USP48: variants seen among roughly 807,000 people sequenced by gnomAD.
USP48 encodes the protein ubiquitin carboxyl-terminal hydrolase 48.
A neutral mutation model predicts 150.7 loss-of-function variants in USP48; 43 were observed. That is an observed-to-expected ratio of 0.29 (90% CI 0.22 to 0.37). The LOEUF (loss-of-function observed/expected upper bound fraction) is 0.37. Ranked by LOEUF, USP48 falls within the 10% of genes least tolerant of loss-of-function variation. The pLI is 1.00. For synonymous variants in USP48, 396 were observed against 425.9 expected, an observed-to-expected ratio of 0.93 and a Z score of 0.86; for missense variants, 813 against 1,249.6, an observed-to-expected ratio of 0.65 and a Z score of 5.27.
intron 23 of USP48, among the ~76,000 whole-genome samples, chr1:21,691,986 C>T (rs1220620191): frequency 1.3e-5 from 2 of 152,134 alleles, no homozygotes; most frequent in Admixed American, 6.6e-5. Flanking sequence ...AAAGACAAAA[C>T]GAGCCTCACA....
In USP48 at chr1:21,703,629, A is replaced by C. The variant is rs745852500; in HGVS notation, c.2516-11T>G. 3.5e-6 allele frequency: 5 copies of C among 1,444,692 alleles called. No homozygotes were observed. Among genetic ancestry groups the C allele is most frequent in the Non-Finnish European group, 4.6e-6 (5 of 1,076,310 alleles). The allele number at this position is 1,444,692 out of a possible 1,614,324, so 89.5% of individuals were successfully genotyped here. A position where few individuals can be genotyped will look rare whatever the true frequency, so the allele number is the denominator to read the frequency against. ...ATTCTGGACAGAGTTCTTTGGGGGA[A>C]AAAAAAAAAGGGAAAACAGAAGTGG... On this transcript the variant is annotated splice_polypyrimidine_tract_variant and intron_variant, in intron 20 of 26. Coordinates refer to ENST00000308271, the MANE Select transcript of USP48 (RefSeq NM_032236.8).
rs546454596 is a variant in USP48 at position 21,747,072 on chromosome 1, T to A, written c.986A>T (p.His329Leu). The A allele has an allele frequency of 1.1e-5, 17 of 1,607,372 alleles. No homozygotes were observed. The highest frequency in any genetic ancestry group is 1.7e-5 in the Admixed American group (1 of 59,230). Residue 329 changes from histidine to leucine, a missense_variant, in exon 8 of 27, where the codon CAT becomes CTT. Transcript: ENST00000308271. ...EILDMEPYVE[H>L]KGGSYVYELS... ...CTCCTCAGTAAAAATATTACCTTTA[T>A]GTTCCACATAAGGCTCCATATCCAA...
In USP48 at chr1:21,747,144, G is replaced by C. The variant is rs2097796430; in HGVS notation, c.914C>G (p.Thr305Ser). The change falls in exon 8 of 27, where the codon ACT becomes AGT. Residue 305 changes from threonine (T) to serine (S), a missense_variant. Coordinates refer to ENST00000308271, the MANE Select transcript of USP48 (RefSeq NM_032236.8). Reference sequence around the variant, plus strand: ...GGTATTCAGCTTTTTCTTATGTCCAGTTTGCCTAACCAAGAGGAAAGCTGA... The same window carrying C: ...GGTATTCAGCTTTTTCTTATGTCCACTTTGCCTAACCAAGAGGAAAGCTGA... ...QLMRFVFDRQ[T>S]GHKKKLNTYI... 3.1e-6 allele frequency: 5 copies of C among 1,609,008 alleles called. No individual in the cohort carries two copies. The East Asian group carries it at 9.0e-5, about 29-fold the overall frequency.
At position 21,756,603 on chromosome 1, in the gene USP48, A is replaced by G; in HGVS notation, c.355T>C (p.Leu119=). 1.2e-6 allele frequency: 2 copies of G among 1,608,592 alleles called. No individual in the cohort carries two copies. Among genetic ancestry groups the G allele is most frequent in the South Asian group, 2.2e-5 (2 of 89,988 alleles). Residue 119 remains leucine (L), a synonymous_variant, in exon 3 of 27, where the codon TTA becomes CTA. Coordinates refer to ENST00000308271, the MANE Select transcript of USP48 (RefSeq NM_032236.8). ...TAGTCACTACAAGTGCTTGGACATA[A>G]GTAGAGTGCCTGCCGAAGCTCCAAG... is the stretch of plus-strand genomic sequence containing the variant. ...LNLELRQALY[L]CPSTCSDYML...
At chr1:21,737,292 GA>G (rs1298151360) in intron 8 of USP48, among the ~76,000 whole-genome samples, 1 of 151,588 alleles carries the variant, frequency 6.6e-6, no homozygotes, top group Non-Finnish European at 1.5e-5. Flanking sequence ...ATTAAAGCTG[GA>G]AAAAAATAAA....
rs1204488395 is a variant in USP48, at chr1:21,728,641, T to C, written c.1379A>G (p.Gln460Arg). The change falls in exon 11 of 27, where the codon CAA (glutamine) becomes CGA (arginine). Residue 460 changes from glutamine to arginine, a missense_variant. Coordinates refer to ENST00000308271, the MANE Select transcript of USP48 (RefSeq NM_032236.8). Reference sequence around the variant, plus strand: ...TTTTGCTTTTCCTTTATCCACACTTTGCTTACGCATCTCAGCCATTTCAAT... The same window carrying C: ...TTTTGCTTTTCCTTTATCCACACTTCGCTTACGCATCTCAGCCATTTCAAT... ...WCIEMAEMRK[Q>R]SVDKGKAKHE... 1 of 1,614,122 alleles carries C rather than the reference T, an allele frequency of 6.2e-7. No individual in the cohort carries two copies. The highest frequency in any genetic ancestry group is 2.2e-5 in the East Asian group (1 of 44,888).
At chr1:21,716,896 C>T (rs1434233308) in intron 14 of USP48, among the ~76,000 whole-genome samples, 3 of 152,026 alleles carry the variant, frequency 2.0e-5, no homozygotes, top group South Asian at 2.1e-4. Context: ...GGCATGGTGG[C>T]GGGCCCCTGT....
In USP48 at chr1:21,778,165, C is replaced by A. The variant is rs570144359; in HGVS notation, c.134+4659G>T. 1.2e-4 allele frequency among the ~76,000 whole-genome samples: 18 copies of A among 149,530 alleles called. No individual in the cohort carries two copies. In the South Asian group the frequency reaches 2.7e-3, roughly 23 times the overall value. ...CTGAAAAAAAAAAACAAAACAAAAA[C>A]AAGACCAAAAAAAGATCACAACTCA... On this transcript the variant is annotated intron_variant, in intron 1 of 26. Coordinates refer to ENST00000308271, the MANE Select transcript of USP48 (RefSeq NM_032236.8).
At position 21,744,368 on chromosome 1, in the gene USP48, A is replaced by G. The variant is rs372692402; in HGVS notation, c.991+2699T>C. On this transcript the variant is annotated intron_variant, in intron 8 of 26. Coordinates refer to ENST00000308271, the MANE Select transcript of USP48 (RefSeq NM_032236.8). ...GACTGAGGCAGAGAGAATTGCTTGA[A>G]CCCAGGAGGTGGAGGCTGCAGTGAG... 4.0e-5 allele frequency among the ~76,000 whole-genome samples: 6 copies of G among 151,308 alleles called. No individual in the cohort carries two copies. In the East Asian group the frequency reaches 1.2e-3, roughly 29 times the overall value.
chr1:21,703,508 G>C lies in USP48; in HGVS notation c.2622+4C>G, dbSNP rs752452490. 6.2e-7 allele frequency: 1 copy of C among 1,609,316 alleles called. No individual in the cohort carries two copies. The highest frequency in any genetic ancestry group is 8.5e-7 in the Non-Finnish European group (1 of 1,177,168). On this transcript the variant is annotated splice_donor_region_variant and intron_variant, in intron 21 of 26. Coordinates refer to ENST00000308271, the MANE Select transcript of USP48 (RefSeq NM_032236.8). The stretch of plus-strand genomic sequence containing the variant: ...CTAGTCATTGCCACAAGAGGGACCA[G>C]TACCTTTTTATTATCCACAACTTTA...
At position 21,769,467 on chromosome 1, in the gene USP48, C is replaced by A. The variant is rs115211065; in HGVS notation, c.135-11684G>T. ...TCTCGCTGTCACCCAGGCTAGAGTA[C>A]AGTGCCAAGATCTCAGCTCACTGCA... is the stretch of plus-strand genomic sequence containing the variant. On this transcript the variant is annotated intron_variant, in intron 1 of 26. Transcript: ENST00000308271. 5.8e-3 allele frequency among the ~76,000 whole-genome samples: 883 copies of A among 151,908 alleles called. 6 individuals are homozygous for A. The highest frequency in any genetic ancestry group is 0.019 in the African/African-American group (801 of 41,426).
chr1:21,686,722 A>C (rs948187025), intron 25 of USP48: 2 of 159,994 alleles, frequency 1.3e-5, no homozygotes, highest in Non-Finnish European at 2.7e-5. Context: ...AAGTGTGGAA[A>C]CACATAATTC....
rs369491048 is a variant in USP48, at chr1:21,724,007, C to T, written c.1539G>A (p.Leu513=). The T allele has an allele frequency of 2.5e-6, 4 of 1,614,138 alleles. No homozygotes were observed. The highest frequency in any genetic ancestry group is 1.7e-6 in the Non-Finnish European group (2 of 1,180,012). Residue 513 remains leucine (L), a synonymous_variant, in exon 12 of 27, where the codon CTG becomes CTA. Coordinates refer to ENST00000308271, the MANE Select transcript of USP48 (RefSeq NM_032236.8). The stretch of plus-strand genomic sequence containing the variant: ...CCGGGTGAAGCTTGTCATGGGAACA[C>T]AGGCAAGCGTGATTATCAATAGGTT... ...PTKPIDNHAC[L]CSHDKLHPDK... is the part of the protein sequence containing the mutation.
At chr1:21,683,880 G>A (rs2097573626) in intron 25 of USP48, among the ~76,000 whole-genome samples, 1 of 152,130 alleles carries the variant, frequency 6.6e-6, no homozygotes, top group Non-Finnish European at 1.5e-5. Flanking sequence ...AGAAAATACA[G>A]TATTGTCTTT....
chr1:21,691,316 CAAAA>C (rs58202473), intron 23 of USP48, among the ~76,000 whole-genome samples: 3 of 83,606 alleles, frequency 3.6e-5, no homozygotes, highest in Non-Finnish European at 2.5e-5. Flanking sequence ...CTCCCATCTC[CAAAA>C]AAAAAAAAAA....
intron 1 of USP48, among the ~76,000 whole-genome samples, chr1:21,778,061 T>C (rs1490398764): frequency 6.6e-6 from 1 of 150,540 alleles, no homozygotes; most frequent in African/African-American, 2.4e-5. Flanking sequence ...GAGAATCGCT[T>C]GAACCTGGGA....
At chr1:21,694,074 T>C (rs829385) in intron 23 of USP48, among the ~76,000 whole-genome samples, 10,744 of 152,234 alleles carry the variant, frequency 0.071, 451 homozygotes, top group Middle Eastern at 0.1. Context: ...GCCTAGGGTT[T>C]GAGATTTACC....
intron 14 of USP48, among the ~76,000 whole-genome samples, chr1:21,719,209 G>A (rs1006839770): frequency 6.6e-6 from 1 of 150,618 alleles, no homozygotes; most frequent in Non-Finnish European, 1.5e-5. Flanking sequence ...GGGGGGCGGG[G>A]GGGCAGAGGT....
intron 21 of USP48, among the ~76,000 whole-genome samples, chr1:21,701,935 A>G (rs1010171222): frequency 5.9e-5 from 9 of 152,216 alleles, no homozygotes; most frequent in African/African-American, 1.9e-4. Context: ...TCCCGAGCAC[A>G]CTGATTGCCA....
Sources: allele counts gnomAD v4.1 joint callset (sites outside exome capture counted in the v4.1 genomes callset), GRCh38; gene constraint gnomAD v4.1.1; transcripts MANE v1.5; gene names NCBI Gene and HGNC (gene_info 2026-07-23, HGNC 2026-07-21).